Variants in SORCS3 observed in about 807,000 individuals in gnomAD.
SORCS3 encodes the protein sortilin related VPS10 domain containing receptor 3, also known as VPS10 domain-containing receptor SorCS3.
SORCS3 carries 57 observed loss-of-function variants against 146.3 expected under a neutral mutation model. The ratio of observed to expected loss-of-function variants is 0.39; its 90% confidence interval spans 0.31 to 0.49. The LOEUF (loss-of-function observed/expected upper bound fraction) is 0.49. Among genes scored for constraint, SORCS3 ranks in the 20% least tolerant of loss-of-function variants. The probability of loss-of-function intolerance (pLI) is 0.92; values close to 1 mark genes in which losing one functional copy is unlikely to be tolerated. For synonymous variants in SORCS3, 653 were observed against 618.5 expected (o/e 1.06, Z -0.83); for missense variants, 1,341 against 1,575.5 (o/e 0.85, Z 2.52).
intron 1 of SORCS3, among the ~76,000 whole-genome samples, chr10:104,735,718 T>A (rs994128083): frequency 1.3e-5 from 2 of 152,010 alleles, no homozygotes; most frequent in African/African-American, 4.8e-5. Context: ...GCAATTGAAG[T>A]CGGCTTTGGG....
intron 1 of SORCS3, among the ~76,000 whole-genome samples, chr10:104,720,877 C>T (rs1284156406): frequency 6.6e-6 from 1 of 152,080 alleles, no homozygotes; most frequent in Non-Finnish European, 1.5e-5. Flanking sequence ...TGGATATTAG[C>T]CCTTTATCAG....
chr10:105,146,254 G>A (rs1002907376), intron 8 of SORCS3, among the ~76,000 whole-genome samples: 1 of 152,014 alleles, frequency 6.6e-6, no homozygotes, highest in Non-Finnish European at 1.5e-5. Flanking sequence ...GATAATCTTT[G>A]TACAGTGCCT....
intron 1 of SORCS3, among the ~76,000 whole-genome samples, chr10:104,818,799 T>C (rs977309863): frequency 6.6e-6 from 1 of 152,080 alleles, no homozygotes; most frequent in Non-Finnish European, 1.5e-5. Context: ...TGCAGAGGTG[T>C]GAACTTGAAC....
chr10:105,015,308 C>T (rs955959792), intron 4 of SORCS3, among the ~76,000 whole-genome samples: 2 of 152,158 alleles, frequency 1.3e-5, no homozygotes, highest in South Asian at 4.1e-4. Flanking sequence ...CCAGGAGACA[C>T]ATGCATGAAT....
intron 16 of SORCS3, among the ~76,000 whole-genome samples, chr10:105,204,512 A>G (rs1410475586): frequency 6.6e-6 from 1 of 152,130 alleles, no homozygotes; most frequent in Non-Finnish European, 1.5e-5. Context: ...TGGTACTAGA[A>G]TCATAATAGG....
chr10:104,909,335 C>T (rs912411646), intron 2 of SORCS3, among the ~76,000 whole-genome samples: 6 of 152,110 alleles, frequency 3.9e-5, no homozygotes, highest in East Asian at 1.9e-4. Flanking sequence ...TGTCAGATGC[C>T]GTGGTTGATA....
At chr10:105,041,731 G>C (rs1173168540) in intron 4 of SORCS3, among the ~76,000 whole-genome samples, 1 of 152,000 alleles carries the variant, frequency 6.6e-6, no homozygotes, top group Non-Finnish European at 1.5e-5. Context: ...TTTCCAGATG[G>C]CGAAGTTATC....
rs115228729 is a variant in SORCS3, at chr10:104,911,548, C to T, written c.696-4285C>T. ...TGACTTCCATCAGTCCTGCAGGGATCCCTGAGAATTTAGCTCTTCTAAGAC... is the reference window on the plus strand; with the variant it reads ...TGACTTCCATCAGTCCTGCAGGGATTCCTGAGAATTTAGCTCTTCTAAGAC... On this transcript the variant is annotated intron_variant, in intron 2 of 26. Transcript: ENST00000369701. Among the ~76,000 whole-genome samples, 1,255 of 152,194 alleles carry T rather than the reference C, an allele frequency of 8.2e-3. 22 individuals are homozygous for T. The highest frequency in any genetic ancestry group is 0.029 in the African/African-American group (1,207 of 41,508).
Position 105,000,336 on chromosome 10 carries a change from A to ATGTGTGTG in SORCS3, c.954+22857_954+22864dup, listed in dbSNP as rs60887637. ...TTTTTGTGTGGGTATACGTGTGTTC[A>ATGTGTGTG]TGTGTGTGTGTGTGTGTGTGTAGCT... is the stretch of plus-strand genomic sequence containing the variant. On this transcript the variant is annotated intron_variant, in intron 4 of 26. Coordinates refer to ENST00000369701, the MANE Select transcript of SORCS3 (RefSeq NM_014978.3). Among the ~76,000 whole-genome samples, 851 of 149,440 alleles carry ATGTGTGTG rather than the reference A, an allele frequency of 5.7e-3. 2 individuals are homozygous for ATGTGTGTG. Among genetic ancestry groups the ATGTGTGTG allele is most frequent in the Non-Finnish European group, 9.5e-3 (636 of 66,990 alleles).
rs1037022960 is a variant in SORCS3, at chr10:104,952,198, G to C, written c.796-25137G>C. Among the ~76,000 whole-genome samples the C allele has an allele frequency of 2.3e-5, 3 of 127,972 alleles. No homozygotes were observed. The East Asian group carries it at 8.1e-4, about 34-fold the overall frequency. 84.0% of individuals were successfully genotyped at this position (127,972 alleles called of 152,430 possible). On this transcript the variant is annotated intron_variant, in intron 3 of 26. Coordinates refer to ENST00000369701, the MANE Select transcript of SORCS3 (RefSeq NM_014978.3). ...TTCCTAAATTGGACACTCTTTGTCG[G>C]ACCCAAATCTGTGGTTAAGCACACT...
chr10:105,097,130 C>G (rs1168007901), intron 6 of SORCS3, among the ~76,000 whole-genome samples: 1 of 152,162 alleles, frequency 6.6e-6, no homozygotes, highest in Non-Finnish European at 1.5e-5. Flanking sequence ...TTGACGCTGA[C>G]TCCAACACTC....
chr10:104,955,167 C>T (rs998664523), intron 3 of SORCS3, among the ~76,000 whole-genome samples: 6 of 152,126 alleles, frequency 3.9e-5, no homozygotes, highest in Non-Finnish European at 7.4e-5. Context: ...ATTAAGTAGT[C>T]GTTTCCCATT....
chr10:105,081,355 A>G (rs1201681533), intron 5 of SORCS3, among the ~76,000 whole-genome samples: 1 of 152,194 alleles, frequency 6.6e-6, no homozygotes, highest in East Asian at 1.9e-4. Flanking sequence ...TAAGTGTGTT[A>G]TGAAGAGGCT....
chr10:104,887,959 C>CGGGGGGGGGG (rs1212866137), intron 2 of SORCS3, among the ~76,000 whole-genome samples: 2 of 6,590 alleles, frequency 3.0e-4, no homozygotes, highest in East Asian at 1.7e-3. Context: ...ATGGTGGGGG[C>CGGGGGGGGGG]GGGGGGGCGG....
intron 3 of SORCS3, among the ~76,000 whole-genome samples, chr10:104,953,743 C>T (rs2019458274): frequency 1.3e-5 from 2 of 152,174 alleles, no homozygotes; most frequent in South Asian, 2.1e-4. Context: ...TGCATTTAGA[C>T]GTATCTATTA....
intron 1 of SORCS3, among the ~76,000 whole-genome samples, chr10:104,799,655 G>A (rs1458738023): frequency 6.6e-6 from 1 of 151,858 alleles, no homozygotes; most frequent in Non-Finnish European, 1.5e-5. Flanking sequence ...TAACAAAACT[G>A]CACGTTCTGC....
In SORCS3 at chr10:104,774,902, A is replaced by G. The variant is rs541235798; in HGVS notation, c.628-67890A>G. On this transcript the variant is annotated intron_variant, in intron 1 of 26. Transcript: ENST00000369701. ...TTTTATGAACTTCACCAACGAGCTG[A>G]GACATTCCTATTTAGGCTTGTTTTA... Among the ~76,000 whole-genome samples the G allele has an allele frequency of 7.9e-5, 12 of 152,306 alleles. No homozygotes were observed. The South Asian group carries it at 2.3e-3, about 29-fold the overall frequency.
chr10:104,806,433 G>C (rs191266279), intron 1 of SORCS3, among the ~76,000 whole-genome samples: 2 of 152,176 alleles, frequency 1.3e-5, no homozygotes, highest in East Asian at 3.9e-4. Flanking sequence ...GAGTAATCAT[G>C]GTAGTGGCAT....
rs535302560 is a variant in SORCS3 at position 104,691,168 on chromosome 10, C to A, written c.627+49214C>A. Among the ~76,000 whole-genome samples the A allele has an allele frequency of 1.7e-3, 258 of 152,286 alleles. 1 individual carries two copies. The highest frequency in any genetic ancestry group is 6.8e-3 in the Middle Eastern group (2 of 294). Reference sequence around the variant, plus strand: ...CTGAAGAGCTCTAGCACCATGGTGTCATAGCAACCAAATGGAGGAATTCCA... The same window carrying A: ...CTGAAGAGCTCTAGCACCATGGTGTAATAGCAACCAAATGGAGGAATTCCA... On this transcript the variant is annotated intron_variant, in intron 1 of 26. Transcript: ENST00000369701.
Sources: allele counts gnomAD v4.1 joint callset (sites outside exome capture counted in the v4.1 genomes callset), GRCh38; gene constraint gnomAD v4.1.1; transcripts MANE v1.5; gene names NCBI Gene and HGNC (gene_info 2026-07-23, HGNC 2026-07-21).